The following LEKR1 variants were observed in gnomAD, a reference collection of about 807,000 sequenced individuals.
The protein encoded by LEKR1 is leucine, glutamate and lysine rich 1, also known as protein LEKR1.
LEKR1 carries 59 observed loss-of-function variants against 72.4 expected under a neutral mutation model. The observed-to-expected ratio is 0.82, with a 90% confidence interval of 0.66 to 1.01. LEKR1 has a LOEUF of 1.01. Among genes scored for constraint, LEKR1 ranks in the 50% least tolerant of loss-of-function variants. LEKR1 has a pLI of 0.00. For synonymous variants in LEKR1, 257 were observed against 263.2 expected, an observed-to-expected ratio of 0.98 and a Z score of 0.23; for missense variants, 728 against 759.2, an observed-to-expected ratio of 0.96 and a Z score of 0.48.
At chr3:156,990,887 A>G (rs1165846025) in intron 7 of LEKR1, among the ~76,000 whole-genome samples, 1 of 152,174 alleles carries the variant, frequency 6.6e-6, no homozygotes, top group Non-Finnish European at 1.5e-5. Flanking sequence ...GGGAATGGTG[A>G]TAGAAGCCCA....
chr3:156,924,898 C>T lies in LEKR1; in HGVS notation c.384-2531C>T, dbSNP rs545484457. 1.2e-4 allele frequency: 19 copies of T among 161,676 alleles called. No individual in the cohort carries two copies. The East Asian group carries it at 1.9e-3, about 16-fold the overall frequency. The allele number at this position is 161,676 out of a possible 1,614,324, so 10.0% of individuals were successfully genotyped here. A position where few individuals can be genotyped will look rare whatever the true frequency, so the allele number is the denominator to read the frequency against. Reference sequence around the variant, plus strand: ...ATATAATTACTCTAACTTCCTTCTTCGTTTTCAAAATTGTTTTTGCTATTC... The same window carrying T: ...ATATAATTACTCTAACTTCCTTCTTTGTTTTCAAAATTGTTTTTGCTATTC... On this transcript the variant is annotated intron_variant, in intron 4 of 12. Transcript: ENST00000356539.
At chr3:156,996,786 C>G (rs889074593) in intron 9 of LEKR1, among the ~76,000 whole-genome samples, 1 of 152,110 alleles carries the variant, frequency 6.6e-6, no homozygotes, top group Non-Finnish European at 1.5e-5. Flanking sequence ...TCTTCTCATT[C>G]GGGCATGGTG....
chr3:156,940,057 A>C (rs75499009), intron 5 of LEKR1, among the ~76,000 whole-genome samples: 1 of 152,310 alleles, frequency 6.6e-6, no homozygotes, highest in African/African-American at 2.4e-5. Context: ...ATGAAGGCTG[A>C]GATAAACACA....
intron 7 of LEKR1, among the ~76,000 whole-genome samples, chr3:156,985,438 C>T (rs1475013516): frequency 2.0e-5 from 3 of 152,104 alleles, no homozygotes; most frequent in Non-Finnish European, 4.4e-5. Context: ...AACATGAAGG[C>T]CAGTTGTAGT....
intron 5 of LEKR1, among the ~76,000 whole-genome samples, chr3:156,940,502 C>A (rs927298579): frequency 2.6e-5 from 4 of 152,122 alleles, no homozygotes; most frequent in African/African-American, 9.7e-5. Context: ...AATTTCTGAA[C>A]CCCAAATCGG....
In LEKR1 at chr3:156,986,123, T is replaced by C. The variant is rs113518965; in HGVS notation, c.828-6530T>C. Among the ~76,000 whole-genome samples, 842 of 152,256 alleles carry C rather than the reference T, an allele frequency of 5.5e-3. 4 individuals carry two copies. Among genetic ancestry groups the C allele is most frequent in the African/African-American group, 0.02 (814 of 41,554 alleles). ...GGAACACGACCTGGTGACACCTTGA[T>C]TTTAGGACTTCTGACCTCCAGAACT... On this transcript the variant is annotated intron_variant, in intron 7 of 12. Transcript: ENST00000356539.
intron 2 of LEKR1, among the ~76,000 whole-genome samples, chr3:156,850,981 A>C (rs556884486): frequency 1.3e-5 from 2 of 152,218 alleles, no homozygotes; most frequent in Non-Finnish European, 2.9e-5. Context: ...AAAAATATTA[A>C]AGACCAATCA....
chr3:156,976,446 C>G (rs754780156), intron 6 of LEKR1, among the ~76,000 whole-genome samples: 1 of 152,004 alleles, frequency 6.6e-6, no homozygotes. Flanking sequence ...TGATTGTTCT[C>G]TCTGATGAAA....
intron 6 of LEKR1, among the ~76,000 whole-genome samples, chr3:156,955,820 T>A (rs576789222): frequency 6.6e-6 from 1 of 151,766 alleles, no homozygotes; most frequent in Non-Finnish European, 1.5e-5. Context: ...TTTGTTGTTG[T>A]TGTTGTTGTT....
chr3:156,914,119 C>T (rs1311032811), intron 3 of LEKR1, among the ~76,000 whole-genome samples: 1 of 152,080 alleles, frequency 6.6e-6, no homozygotes, highest in African/African-American at 2.4e-5. Context: ...TTCTCTAATT[C>T]CCAGTCCATA....
intron 6 of LEKR1, among the ~76,000 whole-genome samples, chr3:156,946,764 C>G (rs943599267): frequency 6.6e-6 from 1 of 151,214 alleles, no homozygotes. Flanking sequence ...GTTGGACCAT[C>G]CTTGCTTCCC....
chr3:157,040,585 C>A (rs1246404818), intron 12 of LEKR1, among the ~76,000 whole-genome samples: 1 of 152,210 alleles, frequency 6.6e-6, no homozygotes, highest in African/African-American at 2.4e-5. Context: ...CTGGGAACAT[C>A]CTTTGCTAAC....
intron 9 of LEKR1, among the ~76,000 whole-genome samples, chr3:157,005,812 A>C (rs1732377721): frequency 6.6e-6 from 1 of 152,194 alleles, no homozygotes; most frequent in South Asian, 2.1e-4. Flanking sequence ...TTTTTCTATA[A>C]TATACAATGA....
intron 12 of LEKR1, among the ~76,000 whole-genome samples, chr3:157,036,920 A>G (rs1242711248): frequency 1.3e-5 from 2 of 152,216 alleles, no homozygotes; most frequent in African/African-American, 4.8e-5. Flanking sequence ...AAGCAGAAAA[A>G]TTATGAGACA....
chr3:156,914,088 A>C (rs550047782), intron 3 of LEKR1, among the ~76,000 whole-genome samples: 1 of 152,298 alleles, frequency 6.6e-6, no homozygotes, highest in African/African-American at 2.4e-5. Flanking sequence ...TCATTCCAAA[A>C]TTAGCAACAG....
intron 7 of LEKR1, among the ~76,000 whole-genome samples, chr3:156,984,003 C>G (rs1730463531): frequency 6.6e-6 from 1 of 151,606 alleles, no homozygotes; most frequent in Non-Finnish European, 1.5e-5. Context: ...AAATAGCAAA[C>G]AGATATTAGA....
chr3:157,043,029 G>A (rs572091591), intron 12 of LEKR1, among the ~76,000 whole-genome samples: 1 of 152,226 alleles, frequency 6.6e-6, no homozygotes, highest in African/African-American at 2.4e-5. Context: ...TGTTGGTGCT[G>A]TTCTTGTGAT....
intron 3 of LEKR1, among the ~76,000 whole-genome samples, chr3:156,879,868 G>C (rs923063431): frequency 6.6e-6 from 1 of 152,142 alleles, no homozygotes; most frequent in Non-Finnish European, 1.5e-5. Flanking sequence ...TTGAGTCTGC[G>C]GGTGCACAGA....
chr3:156,884,505 C>T (rs1019131876), intron 3 of LEKR1, among the ~76,000 whole-genome samples: 1 of 152,080 alleles, frequency 6.6e-6, no homozygotes, highest in Non-Finnish European at 1.5e-5. Context: ...ATTTGTTTGA[C>T]TGAAAAAGAC....
Sources: allele counts gnomAD v4.1 joint callset (sites outside exome capture counted in the v4.1 genomes callset), GRCh38; gene constraint gnomAD v4.1.1; transcripts MANE v1.5; gene names NCBI Gene and HGNC (gene_info 2026-07-23, HGNC 2026-07-21).